The following RPS27A variants were observed in gnomAD, a reference collection of about 807,000 sequenced individuals.
RPS27A encodes the protein ribosomal protein S27a, also known as ubiquitin-ribosomal protein eS31 fusion protein.
In RPS27A, 1 loss-of-function variant was observed where a neutral mutation model predicts 18.9. The ratio of observed to expected loss-of-function variants is 0.05; its 90% CI spans 0.02 to 0.25. The LOEUF is 0.25. RPS27A is among the 10% of genes least tolerant of loss of function. The pLI is 1.00. For synonymous variants in RPS27A, 77 were observed against 63.7 expected (o/e 1.21, Z -0.99); for missense variants, 123 against 187.4 (o/e 0.66, Z 2.01).
chr2:55,233,493 C>A, intron 3 of RPS27A, 76 bp downstream of exon 3: 1 of 1,009,812 alleles, frequency 9.9e-7, no homozygotes, highest in Non-Finnish European at 1.6e-6. Flanking sequence ...GACATACCTG[C>A]TCTTGGTGAT....
At chr2:55,233,521 T>G in intron 3 of RPS27A, 104 bp downstream of exon 3, 1 of 798,624 alleles carries the variant, frequency 1.3e-6, no homozygotes, top group South Asian at 1.4e-5. Flanking sequence ...GGGGTCAGAT[T>G]GACAAAGCGA....
chr2:55,234,983 A>C, intron 5 of RPS27A, 21 bp downstream of exon 5: 2 of 1,611,946 alleles, frequency 1.2e-6, no homozygotes, highest in Non-Finnish European at 1.7e-6. Flanking sequence ...TAAAGGGCAG[A>C]ATGTCAGCAA....
chr2:55,233,470 C>A (rs1675606768), intron 3 of RPS27A, 53 bp downstream of exon 3: 4 of 1,251,534 alleles, frequency 3.2e-6, no homozygotes, highest in African/African-American at 1.5e-5. Context: ...CTTCGGCCTA[C>A]CTGTAGGTGC....
chr2:55,233,243 GTC>G, intron 2 of RPS27A, 118 bp from the exon 3 acceptor site: 1 of 847,520 alleles, frequency 1.2e-6, no homozygotes, highest in Non-Finnish European at 2.0e-6. Context: ...TGGGTAATAG[GTC>G]TCTCGAGTAG....
intron 3 of RPS27A, chr2:55,233,832 G>A: frequency 1.9e-6 from 1 of 515,462 alleles, no homozygotes; most frequent in Non-Finnish European, 3.5e-6. Context: ...GTTTTACCTT[G>A]TTGGCCAGGC....
upstream of RPS27A, chr2:55,232,555 A>G: frequency 1.8e-6 from 1 of 556,928 alleles, no homozygotes; most frequent in South Asian, 2.0e-5. Context: ...AGGAGAAACG[A>G]AGTTCACGTC....
At chr2:55,233,581 C>A in intron 3 of RPS27A, 164 bp downstream of exon 3, 2 of 662,594 alleles carry the variant, frequency 3.0e-6, no homozygotes, top group South Asian at 1.7e-5. Flanking sequence ...GAGCACAGTA[C>A]CTAGATTGGA....
At chr2:55,234,343 T>C (rs558015059) in intron 4 of RPS27A, 139 bp downstream of exon 4, 7 of 694,668 alleles carry the variant, frequency 1.0e-5, no homozygotes, top group Middle Eastern at 3.9e-4. Context: ...CCTCCACCTC[T>C]CAGACTCAGG....
chr2:55,232,413 C>T (rs1246134749), upstream of RPS27A: 1 of 289,616 alleles, frequency 3.5e-6, no homozygotes, highest in East Asian at 8.6e-5. Context: ...CCCTCGACCT[C>T]CTTTTAAAAA....
In RPS27A at chr2:55,233,137, G is replaced by A. The variant is rs1327983020; in HGVS notation, c.49-226G>A. 4.7e-6 allele frequency: 3 copies of A among 637,702 alleles called. No individual in the cohort carries two copies. In the Admixed American group the frequency reaches 7.7e-5, roughly 16 times the overall value. The allele number at this position is 637,702 out of a possible 1,614,324, so 39.5% of individuals were successfully genotyped here. On this transcript the variant is annotated intron_variant, in intron 2 of 5. Transcript: ENST00000272317. ...TGGGGAAGGAGACGCTCTGCCCGCC[G>A]GGTGCGAGCACGTGTGGCCCTGCGG...
chr2:55,232,616 G>A (rs1347599654), upstream of RPS27A: 6 of 624,164 alleles, frequency 9.6e-6, no homozygotes, highest in South Asian at 1.1e-4. Flanking sequence ...CAGGCATTTG[G>A]TGTGGTCGCC....
At chr2:55,234,067 G>A in intron 3 of RPS27A, 52 bp from the exon 4 acceptor site, 1 of 1,155,920 alleles carries the variant, frequency 8.7e-7, no homozygotes, top group Non-Finnish European at 1.3e-6. Flanking sequence ...TAAGTCTGGA[G>A]CACATCACAG....
At chr2:55,235,317 C>A in intron 5 of RPS27A, 111 bp from the exon 6 acceptor site, 1 of 1,206,848 alleles carries the variant, frequency 8.3e-7, no homozygotes, top group Non-Finnish European at 1.2e-6. Flanking sequence ...GGTTTGTAAG[C>A]ACCAAAACCA....
intron 3 of RPS27A, chr2:55,233,813 A>G (rs923236649): frequency 6.1e-6 from 3 of 491,424 alleles, no homozygotes; most frequent in South Asian, 2.1e-5. Context: ...TATTTTTAGT[A>G]GAGACTGGGT....
At position 55,235,701 on chromosome 2, in the gene RPS27A, C is replaced by T. The variant is rs1422996746; in HGVS notation, c.*124C>T. ...TTCCTTTTAGTAGTGCTACTGCTAT[C>T]GCTGTGTGAATGTTGCCTCTGGGGA... On this transcript the variant is annotated 3_prime_UTR_variant, in exon 6 of 6. Coordinates refer to ENST00000272317, the MANE Select transcript of RPS27A (RefSeq NM_002954.6). 2.7e-5 allele frequency: 30 copies of T among 1,113,446 alleles called. No individual in the cohort carries two copies. The highest frequency in any genetic ancestry group is 1.0e-4 in the South Asian group (8 of 77,426). The allele number at this position is 1,113,446 out of a possible 1,614,324, so 69.0% of individuals were successfully genotyped here.
In RPS27A at chr2:55,235,348, G is replaced by T. The variant is rs987632030; in HGVS notation, c.322-80G>T. 6.6e-6 allele frequency: 10 copies of T among 1,510,182 alleles called. No homozygotes were observed. In the African/African-American group the frequency reaches 1.2e-4, roughly 19 times the overall value. The allele number at this position is 1,510,182 out of a possible 1,614,324, so 93.5% of individuals were successfully genotyped here. On this transcript the variant is annotated intron_variant, in intron 5 of 5. Coordinates refer to ENST00000272317, the MANE Select transcript of RPS27A (RefSeq NM_002954.6). Reference sequence around the variant, plus strand: ...AACCACCAGTATTACACAGTTAAAAGCTTAAATATTTTGAGTCACTTAAAT... The same window carrying T: ...AACCACCAGTATTACACAGTTAAAATCTTAAATATTTTGAGTCACTTAAAT...
chr2:55,233,944 A>C, intron 3 of RPS27A, 175 bp from the exon 4 acceptor site: 1 of 667,558 alleles, frequency 1.5e-6, no homozygotes, highest in Non-Finnish European at 2.8e-6. Flanking sequence ...ATTGTCCCTA[A>C]TATTAAATGC....
intron 3 of RPS27A, chr2:55,233,856 T>C (rs1675643388): frequency 1.8e-6 from 1 of 544,980 alleles, no homozygotes; most frequent in South Asian, 2.1e-5. Flanking sequence ...TTTTGAACTT[T>C]TCACATCAAG....
rs185526518 is a variant in RPS27A, at chr2:55,234,006, G to A, written c.104-113G>A. The A allele has an allele frequency of 5.1e-6, 4 of 779,038 alleles. No individual in the cohort carries two copies. The East Asian group carries it at 7.4e-5, about 14-fold the overall frequency. 48.3% of individuals were successfully genotyped at this position (779,038 alleles called of 1,614,324 possible). A position where few individuals can be genotyped will look rare whatever the true frequency, so the allele number is the denominator to read the frequency against. ...GAACCATGCCTAACCTCTAGTAAGG[G>A]CTTATTGTCAGCCTTTAGTATCATG... is the stretch of plus-strand genomic sequence containing the variant. On this transcript the variant is annotated intron_variant, in intron 3 of 5. Coordinates refer to ENST00000272317, the MANE Select transcript of RPS27A (RefSeq NM_002954.6).
Sources: allele counts gnomAD v4.1 joint callset, GRCh38; gene constraint gnomAD v4.1.1; transcripts MANE v1.5; gene names NCBI Gene and HGNC (gene_info 2026-07-23, HGNC 2026-07-21).